RPS29: variants seen among roughly 807,000 people sequenced by gnomAD.
RPS29 encodes the protein small ribosomal subunit protein uS14.
For synonymous variants in RPS29, 37 were observed against 26.9 expected, an observed-to-expected ratio of 1.37 and a Z score of -1.16; for missense variants, 60 against 75.7, an observed-to-expected ratio of 0.79 and a Z score of 0.77.
exon 3 of RPS29, chr14:49,574,334 A>G (rs575686541): frequency 6.6e-6 from 1 of 152,150 alleles, no homozygotes; most frequent in Non-Finnish European, 1.5e-5. Flanking sequence ...ATTAAACTAA[A>G]CCATTTTTTT....
At chr14:49,575,980 C>A (rs772752756) in exon 3 of RPS29, 1 of 152,154 alleles carries the variant, frequency 6.6e-6, no homozygotes, top group Non-Finnish European at 1.5e-5. Flanking sequence ...ATAGAAGATA[C>A]CTGGAACTAG....
At chr14:49,587,896 G>A (rs927433812), upstream of RPS29, among the ~76,000 whole-genome samples, 16 of 152,214 alleles carry the variant, frequency 1.1e-4, no homozygotes, top group East Asian at 1.5e-3. Flanking sequence ...GAAAGGAAGC[G>A]CTTGAGCCAA....
chr14:49,598,415 A>G, exon 1 of RPS29: 1 of 697,530 alleles, frequency 1.4e-6, no homozygotes, highest in Non-Finnish European at 2.6e-6. Context: ...ATGAAAAATT[A>G]TTTGTTCAGC....
chr14:49,578,304 A>T (rs77231094), intron 2 of RPS29, among the ~76,000 whole-genome samples: 1 of 152,118 alleles, frequency 6.6e-6, no homozygotes, highest in Non-Finnish European at 1.5e-5. Flanking sequence ...GGTACCAGGG[A>T]CATTATACAC....
chr14:49,597,600 G>A (rs1881861095), intron 1 of RPS29: 1 of 151,924 alleles, frequency 6.6e-6, no homozygotes, highest in Admixed American at 6.6e-5. Flanking sequence ...ATGCTGAGTC[G>A]CGTTTTAATG....
downstream of RPS29, among the ~76,000 whole-genome samples, chr14:49,582,003 C>G (rs1881349593): frequency 8.6e-6 from 1 of 116,736 alleles, no homozygotes; most frequent in African/African-American, 4.0e-5. Flanking sequence ...AGAGCAAGAC[C>G]CTGCCCCCCA....
At chr14:49,578,786 C>T (rs1363283169), downstream of RPS29, among the ~76,000 whole-genome samples, 2 of 152,078 alleles carry the variant, frequency 1.3e-5, no homozygotes, top group Non-Finnish European at 2.9e-5. Flanking sequence ...GTCTCAAACT[C>T]CTGGCCTTGT....
intron 1 of RPS29, among the ~76,000 whole-genome samples, chr14:49,596,716 AC>A (rs1234413353): frequency 6.6e-6 from 1 of 151,668 alleles, no homozygotes; most frequent in Non-Finnish European, 1.5e-5. Flanking sequence ...TTATTTAATT[AC>A]TGAATCCATG....
chr14:49,593,200 G>C (rs2139521735), intron 1 of RPS29, among the ~76,000 whole-genome samples: 1 of 152,258 alleles, frequency 6.6e-6, no homozygotes, highest in South Asian at 2.1e-4. Context: ...TAAATGAAAA[G>C]CAGTATTTGT....
At chr14:49,586,559 A>G (rs1881567165), upstream of RPS29, 2 of 577,590 alleles carry the variant, frequency 3.5e-6, no homozygotes, top group Non-Finnish European at 6.2e-6. Context: ...TTCTAGTGCT[A>G]TTCTGCGCCG....
upstream of RPS29, chr14:49,586,594 C>T (rs752724476): frequency 3.8e-6 from 2 of 525,806 alleles, no homozygotes; most frequent in East Asian, 3.3e-5. Context: ...GGCGCGGTGG[C>T]GCGTGCCTGT....
downstream of RPS29, among the ~76,000 whole-genome samples, chr14:49,582,205 G>C (rs575236226): frequency 4.6e-5 from 7 of 152,248 alleles, no homozygotes; most frequent in South Asian, 4.1e-4. Context: ...GGCTGCAGGA[G>C]AATCAGTTGA....
chr14:49,588,206 A>G (rs1207528168), upstream of RPS29, among the ~76,000 whole-genome samples: 2 of 152,242 alleles, frequency 1.3e-5, no homozygotes, highest in East Asian at 1.9e-4. Context: ...ACTCTGATAT[A>G]TAAGCCTTTG....
upstream of RPS29, among the ~76,000 whole-genome samples, chr14:49,587,715 T>C (rs1423042660): frequency 1.3e-5 from 2 of 152,224 alleles, no homozygotes; most frequent in African/African-American, 4.8e-5. Context: ...CAACAACATA[T>C]GTACAGCTAA....
At chr14:49,588,568 C>T (rs975416007), upstream of RPS29, among the ~76,000 whole-genome samples, 3 of 151,786 alleles carry the variant, frequency 2.0e-5, no homozygotes, top group African/African-American at 7.3e-5. Context: ...CACTCTGTCG[C>T]CCAGGCTGGA....
exon 3 of RPS29, chr14:49,573,867 A>T (rs930968152): frequency 1.3e-5 from 2 of 152,234 alleles, no homozygotes; most frequent in Non-Finnish European, 2.9e-5. Flanking sequence ...GTCATCATGA[A>T]ATGGGACGTG....
At chr14:49,583,116 G>C (rs1351496742), downstream of RPS29, among the ~76,000 whole-genome samples, 2 of 152,162 alleles carry the variant, frequency 1.3e-5, no homozygotes, top group Admixed American at 1.3e-4. Context: ...TGGGATTACA[G>C]GCCTGAACCT....
At chr14:49,585,175 C>T (rs1234757981) in intron 2 of RPS29, 1 of 152,108 alleles carries the variant, frequency 6.6e-6, no homozygotes, top group African/African-American at 2.4e-5. Flanking sequence ...CGAGACCAGC[C>T]TGACCAACAT....
chr14:49,596,242 C>T (rs1329082221), intron 1 of RPS29, among the ~76,000 whole-genome samples: 1 of 152,128 alleles, frequency 6.6e-6, no homozygotes, highest in Non-Finnish European at 1.5e-5. Context: ...AGAAGAAGAA[C>T]TAATTTTATA....
Sources: gnomAD v4.1 joint callset for allele counts (sites outside exome capture counted in the v4.1 genomes callset) on GRCh38, gnomAD v4.1.1 for gene constraint, MANE v1.5 for transcripts, NCBI Gene and HGNC (gene_info 2026-07-23, HGNC 2026-07-21) for gene names.